USP25: variants seen among roughly 807,000 people sequenced by gnomAD.
The protein encoded by USP25 is ubiquitin specific peptidase 25.
Under a neutral mutation model 158.5 loss-of-function variants are expected in USP25, and 85 were observed. That is an observed-to-expected ratio of 0.54 (90% CI 0.45 to 0.64). USP25 has a LOEUF of 0.64. USP25 is among the 30% of genes least tolerant of loss of function. USP25 has a pLI of 0.00. For missense variants in USP25, 1,242 were observed against 1,327.3 expected, an observed-to-expected ratio of 0.94 and a Z score of 1.00; for synonymous variants, 464 against 460.4, an observed-to-expected ratio of 1.01 and a Z score of -0.10.
chr21:15,774,742 G>T (rs73892531), intron 3 of USP25, among the ~76,000 whole-genome samples: 2 of 152,018 alleles, frequency 1.3e-5, no homozygotes, highest in African/African-American at 4.8e-5. Context: ...TAATCTTTTC[G>T]CCAAGAACAT....
chr21:15,743,503 C>T (rs2123240723), intron 1 of USP25, among the ~76,000 whole-genome samples: 1 of 152,256 alleles, frequency 6.6e-6, no homozygotes, highest in East Asian at 1.9e-4. Context: ...GCCATCTTTG[C>T]AGTTGAGTCC....
intron 19 of USP25, among the ~76,000 whole-genome samples, chr21:15,848,208 GA>G (rs2038718349): frequency 6.6e-6 from 1 of 152,090 alleles, no homozygotes; most frequent in Non-Finnish European, 1.5e-5. Flanking sequence ...ATGGATAATT[GA>G]TATTTTTGCT....
intron 1 of USP25, among the ~76,000 whole-genome samples, chr21:15,755,783 A>G (rs1227774720): frequency 6.6e-6 from 1 of 152,210 alleles, no homozygotes; most frequent in Non-Finnish European, 1.5e-5. Flanking sequence ...ATTGACATGG[A>G]AGCATGGGTG....
chr21:15,840,246 A>G (rs2038265550), intron 17 of USP25, among the ~76,000 whole-genome samples: 1 of 152,170 alleles, frequency 6.6e-6, no homozygotes. Context: ...AGGCAGCATT[A>G]TCTCAAGTAT....
chr21:15,780,687 G>A (rs1469426032), intron 4 of USP25, among the ~76,000 whole-genome samples: 1 of 152,180 alleles, frequency 6.6e-6, no homozygotes, highest in Non-Finnish European at 1.5e-5. Flanking sequence ...TGCCATTGGG[G>A]AAAGAAAGAA....
intron 15 of USP25, among the ~76,000 whole-genome samples, 162 bp from the exon 16 acceptor site, chr21:15,831,239 G>C (rs1375552080): frequency 6.6e-6 from 1 of 150,892 alleles, no homozygotes; most frequent in African/African-American, 2.4e-5. Flanking sequence ...AAGTTTTATA[G>C]TTTAGTTTTT....
At chr21:15,772,575 A>G (rs2034418170) in intron 3 of USP25, among the ~76,000 whole-genome samples, 1 of 152,186 alleles carries the variant, frequency 6.6e-6, no homozygotes, top group South Asian at 2.1e-4. Flanking sequence ...TACAAAGGCT[A>G]ATTTTCTGTA....
At chr21:15,795,681 T>G (rs1227460992) in intron 5 of USP25, among the ~76,000 whole-genome samples, 1 of 151,576 alleles carries the variant, frequency 6.6e-6, no homozygotes, top group Non-Finnish European at 1.5e-5. Context: ...ATTTGACTGA[T>G]TTTTCTGAAC....
In USP25 at chr21:15,756,156, T is replaced by C. The variant is rs570874964; in HGVS notation, c.46-6735T>C. The stretch of plus-strand genomic sequence containing the variant: ...CCCAGGTGCATGGCAATTTTTAGTT[T>C]TCTTTCCTGCTATAGGAGTTAATCT... On this transcript the variant is annotated intron_variant, in intron 1 of 25. Transcript: ENST00000400183. Among the ~76,000 whole-genome samples the C allele has an allele frequency of 3.9e-5, 6 of 152,332 alleles. No individual in the cohort carries two copies. In the South Asian group the frequency reaches 6.2e-4, roughly 16 times the overall value.
In USP25 at chr21:15,824,079, T is replaced by C; in HGVS notation, c.1121T>C (p.Leu374Ser). ...TTACCACCTGTGTTAACATTTGAAT[T>C]GTCAAGATTTGAATTTAATCAGGCA... The part of the protein sequence containing the change: ...TELPPVLTFE[L>S]SRFEFNQALG... Residue 374 changes from leucine (L) to serine (S), a missense_variant, in exon 11 of 26, where the codon TTG becomes TCG. By Grantham distance (145) the Leu-to-Ser change is moderately radical (BLOSUM62 -2). Coordinates refer to ENST00000400183, the MANE Select transcript of USP25 (RefSeq NM_001283041.3). 1 of 1,613,600 alleles carries C rather than the reference T, an allele frequency of 6.2e-7. No individual in the cohort carries two copies. The highest frequency in any genetic ancestry group is 8.5e-7 in the Non-Finnish European group (1 of 1,179,758).
rs756839057 is a variant in USP25, at chr21:15,826,382, A to T, written c.1466+17A>T. On this transcript the variant is annotated intron_variant, in intron 13 of 25. Coordinates refer to ENST00000400183, the MANE Select transcript of USP25 (RefSeq NM_001283041.3). The surrounding 1 kb of genome is among the most constrained non-coding windows in gnomAD (Gnocchi z 4.8). ...ATTACCAAGGTAAAAAGTAATCCTG[A>T]TGCAAGAGACAGTTGTTACCTTTAT... 2 of 1,613,108 alleles carry T rather than the reference A, an allele frequency of 1.2e-6. No homozygotes were observed. The highest frequency in any genetic ancestry group is 2.2e-5 in the South Asian group (2 of 90,900).
chr21:15,864,333 T>C lies in USP25; in HGVS notation c.2613T>C (p.Asp871=), dbSNP rs900776153. The change falls in exon 21 of 26, where the codon GAT becomes GAC. Residue 871 remains aspartate (D), a synonymous_variant. Coordinates refer to ENST00000400183, the MANE Select transcript of USP25 (RefSeq NM_001283041.3). ...LAQEDTPPET[D]YRLHHVVVYF... is the part of the protein sequence containing the mutation. ...AAGAAGACACCCCACCAGAAACCGA[T>C]TATCGTTTACATCATGTAGTGGTCT... 13 of 1,613,156 alleles carry C rather than the reference T, an allele frequency of 8.1e-6. No individual in the cohort carries two copies. The Admixed American group carries it at 1.5e-4, about 19-fold the overall frequency.
chr21:15,803,032 G>C (rs1205414439), intron 6 of USP25, among the ~76,000 whole-genome samples: 1 of 151,562 alleles, frequency 6.6e-6, no homozygotes, highest in African/African-American at 2.4e-5. Context: ...CAGCAGACAA[G>C]TATCTTGAAA....
intron 19 of USP25, among the ~76,000 whole-genome samples, chr21:15,848,839 A>G (rs951941741): frequency 1.3e-5 from 2 of 152,208 alleles, no homozygotes; most frequent in Non-Finnish European, 2.9e-5. Context: ...ATATAATCCA[A>G]AGTAAATACA....
chr21:15,790,650 CTTT>C (rs77394054), intron 4 of USP25, among the ~76,000 whole-genome samples: 13 of 126,528 alleles, frequency 1.0e-4, no homozygotes, highest in Admixed American at 1.6e-4. Context: ...TAACAAGTTT[CTTT>C]TTTTTTTTTT....
At chr21:15,759,333 A>G (rs1385794828) in intron 1 of USP25, among the ~76,000 whole-genome samples, 1 of 152,212 alleles carries the variant, frequency 6.6e-6, no homozygotes, top group Non-Finnish European at 1.5e-5. Flanking sequence ...ATCAATTTAG[A>G]AAGTTTATTT....
intron 3 of USP25, among the ~76,000 whole-genome samples, chr21:15,775,582 A>C (rs147872765): frequency 6.6e-6 from 1 of 152,270 alleles, no homozygotes; most frequent in African/African-American, 2.4e-5. Flanking sequence ...CCTCTGAGCT[A>C]TGCCTGGAAA....
In USP25 at chr21:15,791,555, C is replaced by T. The variant is rs370273715; in HGVS notation, c.446C>T (p.Thr149Ile). 2 of 1,611,474 alleles carry T rather than the reference C, an allele frequency of 1.2e-6. No homozygotes were observed. The highest frequency in any genetic ancestry group is 2.7e-5 in the African/African-American group (2 of 74,700). Reference protein sequence around the residue: ...ENKACLKRTPTEVWRDSRNPY... With the variant: ...ENKACLKRTPIEVWRDSRNPY... ...AAAGCATGTTTGAAGAGGACACCTA[C>T]AGAAGTTTGGAGGGATTCTCGAAAC... Residue 149 changes from threonine to isoleucine, a missense_variant, in exon 5 of 26, where the codon ACA becomes ATA. Thr to Ile is a moderately conservative substitution (Grantham distance 89). Around this residue, in one of 3 missense-constraint regions of USP25, gnomAD observed 627 missense variants for 701.4 expected, o/e 0.89. Coordinates refer to ENST00000400183, the MANE Select transcript of USP25 (RefSeq NM_001283041.3).
In USP25 at chr21:15,733,131, G is replaced by GCCCCC. The variant is rs71185504; in HGVS notation, c.45+2706_45+2710dup. On this transcript the variant is annotated intron_variant, in intron 1 of 25. Transcript: ENST00000400183. Reference sequence around the variant, plus strand: ...GTTCCAAATGAGGATACTCCACGGCGCCCCCCCCCCCCCCCCCAATCTATC... The same window carrying GCCCCC: ...GTTCCAAATGAGGATACTCCACGGCGCCCCCCCCCCCCCCCCCCCCCCAATCTATC... 2.5e-4 allele frequency among the ~76,000 whole-genome samples: 2 copies of GCCCCC among 8,158 alleles called. 1 individual carries two copies. Among genetic ancestry groups the GCCCCC allele is most frequent in the African/African-American group, 5.1e-4 (2 of 3,896 alleles). The allele number at this position is 8,158 out of a possible 152,430, so 5.4% of individuals were successfully genotyped here. A position where few individuals can be genotyped will look rare whatever the true frequency, so the allele number is the denominator to read the frequency against.
Sources: gnomAD v4.1 joint callset for allele counts (sites outside exome capture counted in the v4.1 genomes callset) on GRCh38, gnomAD v4.1.1 for gene constraint, gnomAD v4.1.1 regional missense constraint, Gnocchi (gnomAD v3.1) non-coding constraint, MANE v1.5 for transcripts, NCBI Gene and HGNC (gene_info 2026-07-23, HGNC 2026-07-21) for gene names.